COL4A3: variants seen among roughly 807,000 people sequenced by gnomAD.
COL4A3 encodes collagen type IV alpha 3 chain.
A neutral mutation model predicts 217.4 loss-of-function variants in COL4A3; 135 were observed. The observed-to-expected ratio is 0.62, with a 90% CI of 0.54 to 0.72. The LOEUF (loss-of-function observed/expected upper bound fraction) is 0.72. COL4A3 is among the 30% of genes least tolerant of loss of function. The pLI is 0.00. For missense variants in COL4A3, 1,868 were observed against 2,119.9 expected (o/e 0.88, Z 2.33); for synonymous variants, 690 against 736.3 (o/e 0.94, Z 1.02).
In COL4A3 at chr2:227,164,738, G is replaced by A; in HGVS notation, c.12G>A (p.Arg4=). Residue 4 remains arginine, a synonymous_variant, in exon 1 of 52, where the codon CGG becomes CGA. Transcript: ENST00000396578. This position sits in a 1 kb window ranked among gnomAD's most constrained non-coding sequence, Gnocchi z 4.8. ...AGCGCGCGCCCACCATGAGCGCCCG[G>A]ACCGCCCCCAGGCCGCAGGTGCTCC... MSA[R]TAPRPQVLLL... The A allele has an allele frequency of 6.5e-7, 1 of 1,529,900 alleles. No individual in the cohort carries two copies. The highest frequency in any genetic ancestry group is 8.7e-7 in the Non-Finnish European group (1 of 1,145,006). 94.8% of individuals were successfully genotyped at this position (1,529,900 alleles called of 1,614,324 possible).
chr2:227,180,108 C>G (rs894371466), intron 1 of COL4A3, among the ~76,000 whole-genome samples: 3 of 152,140 alleles, frequency 2.0e-5, no homozygotes, highest in African/African-American at 7.2e-5. Context: ...ACTTTATGCC[C>G]CAGATCAAGC....
At chr2:227,248,249 T>C (rs2125915737) in intron 8 of COL4A3, 194 bp from the exon 9 acceptor site, 1 of 554,156 alleles carries the variant, frequency 1.8e-6, no homozygotes, top group Non-Finnish European at 3.3e-6. Flanking sequence ...CCACTGTAAA[T>C]TTTTGATTTT....
Position 227,277,451 on chromosome 2 carries a change from A to G in COL4A3, c.2023A>G (p.Ile675Val). 2 of 1,602,474 alleles carry G rather than the reference A, an allele frequency of 1.2e-6. No homozygotes were observed. The highest frequency in any genetic ancestry group is 1.7e-6 in the Non-Finnish European group (2 of 1,171,026). ...GCATATGTGTATTTGTTTCTAAGGT[A>G]TCCCTGGATCCCTGGGGAAATGTGG... ...GHPGPQGPPG[I>V]PGSLGKCGDP... The change falls in exon 28 of 52, where the codon ATC becomes GTC. Residue 675 changes from isoleucine to valine, a missense_variant and splice_region_variant. By Grantham distance (29) the Ile-to-Val change is conservative. Transcript: ENST00000396578.
chr2:227,221,770 G>C (rs1474380740), intron 1 of COL4A3, among the ~76,000 whole-genome samples: 2 of 151,802 alleles, frequency 1.3e-5, no homozygotes, highest in African/African-American at 4.8e-5. Flanking sequence ...CGTGTCCCCT[G>C]TATCTAGAAT....
At chr2:227,254,035 G>C (rs567519347) in intron 13 of COL4A3, 77 bp from the exon 14 acceptor site, 2 of 1,324,500 alleles carry the variant, frequency 1.5e-6, no homozygotes, top group Non-Finnish European at 2.2e-6. Flanking sequence ...TGAACAGATA[G>C]AGGATTTGTC....
intron 1 of COL4A3, among the ~76,000 whole-genome samples, chr2:227,182,420 G>A (rs1423007725): frequency 6.6e-6 from 1 of 152,140 alleles, no homozygotes; most frequent in Non-Finnish European, 1.5e-5. Flanking sequence ...GCATCAAAGA[G>A]CAATGTCCTG....
intron 1 of COL4A3, among the ~76,000 whole-genome samples, chr2:227,226,406 T>A (rs1183456601): frequency 6.6e-6 from 1 of 151,512 alleles, no homozygotes; most frequent in Non-Finnish European, 1.5e-5. Flanking sequence ...CATTCCAAGG[T>A]AGAAGACCAT....
At chr2:227,304,296 C>A in intron 46 of COL4A3, 152 bp downstream of exon 46, 2 of 959,832 alleles carry the variant, frequency 2.1e-6, no homozygotes, top group Non-Finnish European at 3.2e-6. Flanking sequence ...GCTCATTTTA[C>A]CCTTGACCAG....
In COL4A3 at chr2:227,276,462, C is replaced by G. The variant is rs760523928; in HGVS notation, c.2005C>G (p.Pro669Ala). ...GPPGPPGHPG[P>A]QGPPGIPGSL... ...TCCAGGGCCCCCTGGCCATCCTGGC[C>G]CCCAAGGTCCACCTGGTAAGTATCC... The change falls in exon 27 of 52, where the codon CCC becomes GCC. Residue 669 changes from proline to alanine, a missense_variant. Physicochemically the swap from Pro to Ala is conservative, Grantham distance 27. Around this residue, in one of 2 missense-constraint regions of COL4A3, gnomAD observed 1,503 missense variants for 1,786.1 expected, o/e 0.84. Transcript: ENST00000396578. 6.2e-7 allele frequency: 1 copy of G among 1,613,884 alleles called. No homozygotes were observed. The highest frequency in any genetic ancestry group is 8.5e-7 in the Non-Finnish European group (1 of 1,179,774).
intron 1 of COL4A3, among the ~76,000 whole-genome samples, chr2:227,174,996 G>T (rs1046973048): frequency 1.3e-5 from 2 of 152,194 alleles, no homozygotes; most frequent in African/African-American, 4.8e-5. Flanking sequence ...CTGCAGGAGA[G>T]GATGGGGTGT....
At chr2:227,291,147 G>A in intron 37 of COL4A3, 1 of 465,726 alleles carries the variant, frequency 2.1e-6, no homozygotes, top group Non-Finnish European at 3.9e-6. Flanking sequence ...GCCAGAAGAA[G>A]GCAGTGATTA....
At chr2:227,222,527 G>C (rs6758076) in intron 1 of COL4A3, 119,973 of 152,048 alleles carry the variant, frequency 0.79, 47,560 homozygotes, top group Non-Finnish European at 0.84. Flanking sequence ...GATGTGGCTT[G>C]CTATGAGAAA....
intron 3 of COL4A3, among the ~76,000 whole-genome samples, chr2:227,243,299 A>G (rs1055893692): frequency 6.6e-6 from 1 of 152,260 alleles, no homozygotes; most frequent in African/African-American, 2.4e-5. Flanking sequence ...AATAGCTACA[A>G]AAGATAATAC....
chr2:227,279,317 A>G (rs1027283518), intron 28 of COL4A3, among the ~76,000 whole-genome samples: 2 of 151,732 alleles, frequency 1.3e-5, no homozygotes, highest in Non-Finnish European at 2.9e-5. Context: ...CTCCATCTCC[A>G]TGTTGGTCAG....
At chr2:227,231,059 C>T (rs2068375742) in intron 1 of COL4A3, among the ~76,000 whole-genome samples, 1 of 152,150 alleles carries the variant, frequency 6.6e-6, no homozygotes, top group African/African-American at 2.4e-5. Context: ...GGAGCAGTTC[C>T]ACTAACGCAG....
intron 43 of COL4A3, among the ~76,000 whole-genome samples, chr2:227,302,584 T>C (rs1483606193): frequency 6.8e-6 from 1 of 146,274 alleles, no homozygotes; most frequent in Non-Finnish European, 1.5e-5. Context: ...GGCTGAGGCA[T>C]GACAATTACT....
rs928910735 is a variant in COL4A3, at chr2:227,282,639, T to C, written c.2656+107T>C. The stretch of plus-strand genomic sequence containing the variant: ...CTTTTTACTCTATGCTTTTACTTAA[T>C]ATAAGGTTTTCCTTCTAAATTATTT... On this transcript the variant is annotated intron_variant, in intron 32 of 51. Transcript: ENST00000396578. This position sits in a 1 kb window ranked among gnomAD's most constrained non-coding sequence, Gnocchi z 4.4. The C allele has an allele frequency of 5.7e-6, 6 of 1,050,072 alleles. 1 individual carries two copies. In the South Asian group the frequency reaches 6.9e-5, roughly 12 times the overall value. The allele number at this position is 1,050,072 out of a possible 1,614,324, so 65.0% of individuals were successfully genotyped here. A position where few individuals can be genotyped will look rare whatever the true frequency, so the allele number is the denominator to read the frequency against.
At chr2:227,168,447 A>G (rs2065354312) in intron 1 of COL4A3, among the ~76,000 whole-genome samples, 2 of 152,092 alleles carry the variant, frequency 1.3e-5, no homozygotes, top group Admixed American at 1.3e-4. Context: ...TGTGAACTGC[A>G]TAGTGCAACT....
intron 6 of COL4A3, 27 bp from the exon 7 acceptor site, chr2:227,246,658 T>G (rs201086447): frequency 6.3e-7 from 1 of 1,584,652 alleles, no homozygotes; most frequent in Non-Finnish European, 8.7e-7. Flanking sequence ...CAACTAAGAA[T>G]AATAAGAAAC....
Sources: allele counts gnomAD v4.1 joint callset (sites outside exome capture counted in the v4.1 genomes callset), GRCh38; gene constraint gnomAD v4.1.1; regional missense constraint gnomAD v4.1.1; non-coding constraint Gnocchi (gnomAD v3.1); transcripts MANE v1.5; gene names NCBI Gene and HGNC (gene_info 2026-07-23, HGNC 2026-07-21).